The following SGCZ variants were observed in gnomAD, a reference collection of about 807,000 sequenced individuals.
SGCZ encodes the protein sarcoglycan zeta, also known as zeta-sarcoglycan.
Under a neutral mutation model 41.3 loss-of-function variants are expected in SGCZ, and 40 were observed. The ratio of observed to expected loss-of-function variants is 0.97; its 90% CI spans 0.75 to 1.26. The LOEUF is 1.26. Among genes scored for constraint, SGCZ ranks in the 50% most tolerant of loss-of-function variants. SGCZ has a pLI of 0.00. For synonymous variants in SGCZ, 206 were observed against 137.5 expected (o/e 1.50, Z -3.49); for missense variants, 552 against 369.8 (o/e 1.49, Z -4.04).
intron 3 of SGCZ, among the ~76,000 whole-genome samples, chr8:14,306,551 A>C (rs1801358527): frequency 6.6e-6 from 1 of 152,192 alleles, no homozygotes; most frequent in Non-Finnish European, 1.5e-5. Context: ...TCCCTGGTTT[A>C]ATTTTTGATG....
chr8:14,100,342 A>G (rs371965727), intron 7 of SGCZ, among the ~76,000 whole-genome samples: 1 of 151,242 alleles, frequency 6.6e-6, no homozygotes, highest in Admixed American at 6.6e-5. Context: ...ATGGGGCAAA[A>G]TAGATATTAA....
chr8:14,886,639 G>T (rs1303832308), intron 1 of SGCZ, among the ~76,000 whole-genome samples: 1 of 152,094 alleles, frequency 6.6e-6, no homozygotes, highest in Non-Finnish European at 1.5e-5. Flanking sequence ...ATTGATTGAG[G>T]AGAAGAAAAG....
At chr8:14,854,828 C>T (rs899419733) in intron 1 of SGCZ, among the ~76,000 whole-genome samples, 3 of 151,928 alleles carry the variant, frequency 2.0e-5, no homozygotes, top group Admixed American at 6.6e-5. Flanking sequence ...ATAAACCCGG[C>T]AGAGAGTGGC....
At chr8:14,682,004 T>C (rs9918743) in intron 1 of SGCZ, among the ~76,000 whole-genome samples, 30,357 of 152,052 alleles carry the variant, frequency 0.2, 3,679 homozygotes, top group East Asian at 0.44. Flanking sequence ...GAGAACGAAT[T>C]TGAAGCACAG....
chr8:14,584,627 A>G (rs1372634491), intron 1 of SGCZ, among the ~76,000 whole-genome samples: 2 of 152,124 alleles, frequency 1.3e-5, no homozygotes. Context: ...AAGTTAAAAT[A>G]AAAGAGTTGT....
chr8:14,885,995 A>G (rs1333904803), intron 1 of SGCZ, among the ~76,000 whole-genome samples: 3 of 70,586 alleles, frequency 4.3e-5, no homozygotes, highest in Non-Finnish European at 9.0e-5. Flanking sequence ...TTATATATAT[A>G]TATATATATA....
At chr8:14,469,908 T>A (rs577404609) in intron 2 of SGCZ, among the ~76,000 whole-genome samples, 57 of 152,284 alleles carry the variant, frequency 3.7e-4, no homozygotes, top group Middle Eastern at 3.4e-3. Flanking sequence ...ATCTAATTCT[T>A]TTGTAATATC....
chr8:14,504,993 G>C (rs1021495688), intron 2 of SGCZ, among the ~76,000 whole-genome samples: 2 of 151,754 alleles, frequency 1.3e-5, no homozygotes, highest in Non-Finnish European at 2.9e-5. Context: ...TTTTCGGTTT[G>C]TTGCAGTTTT....
chr8:14,269,254 T>G (rs1390696391), intron 3 of SGCZ, among the ~76,000 whole-genome samples: 2 of 152,192 alleles, frequency 1.3e-5, no homozygotes, highest in Non-Finnish European at 2.9e-5. Flanking sequence ...CAAATTTATT[T>G]TGTAACAATA....
chr8:15,092,102 T>C (rs1410239868), intron 1 of SGCZ, among the ~76,000 whole-genome samples: 1 of 152,052 alleles, frequency 6.6e-6, no homozygotes, highest in Non-Finnish European at 1.5e-5. Flanking sequence ...TAAAAACAGC[T>C]ATATAAAAAA....
intron 1 of SGCZ, among the ~76,000 whole-genome samples, chr8:14,683,287 C>T (rs1174866064): frequency 6.6e-6 from 1 of 151,942 alleles, no homozygotes. Flanking sequence ...GGAGTTAACA[C>T]CAAGAAAGTA....
At chr8:14,181,196 C>G (rs555073322) in intron 4 of SGCZ, among the ~76,000 whole-genome samples, 3 of 152,188 alleles carry the variant, frequency 2.0e-5, no homozygotes, top group Admixed American at 6.5e-5. Flanking sequence ...CTACTAAATA[C>G]CCGTGTTTTC....
intron 2 of SGCZ, among the ~76,000 whole-genome samples, chr8:14,452,292 C>CG (rs1209009104): frequency 6.6e-6 from 1 of 151,764 alleles, no homozygotes; most frequent in Non-Finnish European, 1.5e-5. Flanking sequence ...TAGTCACTGT[C>CG]GGGGGGTGAG....
At chr8:14,657,255 C>G (rs928979064) in intron 1 of SGCZ, among the ~76,000 whole-genome samples, 4 of 151,940 alleles carry the variant, frequency 2.6e-5, no homozygotes, top group Non-Finnish European at 5.9e-5. Context: ...CCCGGGTTCC[C>G]TCATGAACAG....
chr8:14,783,045 G>A (rs1326225846), intron 1 of SGCZ, among the ~76,000 whole-genome samples: 1 of 152,058 alleles, frequency 6.6e-6, no homozygotes, highest in Non-Finnish European at 1.5e-5. Flanking sequence ...AAATTCAAAT[G>A]TTTTACAAAT....
chr8:14,677,626 C>G (rs1287518111), intron 1 of SGCZ, among the ~76,000 whole-genome samples: 3 of 151,920 alleles, frequency 2.0e-5, no homozygotes, highest in African/African-American at 7.3e-5. Context: ...CAAAAATAAG[C>G]CAGGAGGGGT....
chr8:14,747,012 G>A (rs1055765445), intron 1 of SGCZ, among the ~76,000 whole-genome samples: 3 of 152,078 alleles, frequency 2.0e-5, no homozygotes, highest in Non-Finnish European at 4.4e-5. Flanking sequence ...AGTTTTCCTG[G>A]GAACAAATTA....
At chr8:14,999,872 T>C (rs572841903) in intron 1 of SGCZ, among the ~76,000 whole-genome samples, 2 of 152,318 alleles carry the variant, frequency 1.3e-5, no homozygotes, top group East Asian at 3.9e-4. Context: ...CATCCTGTTT[T>C]AGGAAGATCA....
At chr8:15,156,582 C>T (rs1003155521) in intron 1 of SGCZ, among the ~76,000 whole-genome samples, 5 of 152,158 alleles carry the variant, frequency 3.3e-5, no homozygotes, top group African/African-American at 9.7e-5. Flanking sequence ...CTTCTGAAAA[C>T]GTCCATTATC....
Sources: allele counts gnomAD v4.1 joint callset (sites outside exome capture counted in the v4.1 genomes callset), GRCh38; gene constraint gnomAD v4.1.1; transcripts MANE v1.5; gene names NCBI Gene and HGNC (gene_info 2026-07-23, HGNC 2026-07-21).